The following GIGYF2 variants were observed in gnomAD, a reference collection of about 807,000 sequenced individuals.
GIGYF2 encodes GRB10-interacting GYF protein 2.
Under a neutral mutation model 208.1 loss-of-function variants are expected in GIGYF2, and 25 were observed. The ratio of observed to expected loss-of-function variants is 0.12; its 90% CI spans 0.09 to 0.17. GIGYF2 has a LOEUF of 0.17. GIGYF2 is among the 10% of genes least tolerant of loss of function. The pLI is 1.00. For missense variants in GIGYF2, 1,302 were observed against 1,579.4 expected (o/e 0.82, Z 2.98); for synonymous variants, 534 against 543.8 (o/e 0.98, Z 0.25).
intron 22 of GIGYF2, among the ~76,000 whole-genome samples, chr2:232,835,900 T>A (rs1038876552): frequency 6.6e-6 from 1 of 151,156 alleles, no homozygotes; most frequent in Non-Finnish European, 1.5e-5. Flanking sequence ...TGGTGGTGCG[T>A]GTGGCTGCAG....
At chr2:232,791,582 T>C (rs1342593393) in intron 12 of GIGYF2, 136 bp downstream of exon 12, 6 of 791,066 alleles carry the variant, frequency 7.6e-6, no homozygotes, top group Non-Finnish European at 1.3e-5. Flanking sequence ...ATTTTACCAG[T>C]AAACCCAGTC....
At chr2:232,818,449 G>A (rs1700979200) in intron 20 of GIGYF2, among the ~76,000 whole-genome samples, 1 of 152,124 alleles carries the variant, frequency 6.6e-6, no homozygotes, top group Non-Finnish European at 1.5e-5. Flanking sequence ...AATGATTTTT[G>A]TATGTGGTGT....
chr2:232,818,703 GTGTTTTA>G (rs1700986893), intron 20 of GIGYF2, among the ~76,000 whole-genome samples: 1 of 151,688 alleles, frequency 6.6e-6, no homozygotes. Flanking sequence ...ATTTGTACTT[GTGTTTTA>G]TAGCCCTCCT....
At chr2:232,800,339 A>G (rs560604708) in intron 14 of GIGYF2, among the ~76,000 whole-genome samples, 1 of 152,248 alleles carries the variant, frequency 6.6e-6, no homozygotes, top group East Asian at 1.9e-4. Context: ...ATTCTTTTGC[A>G]TGTGGATATC....
chr2:232,780,200 T>C (rs1699665565), intron 8 of GIGYF2, among the ~76,000 whole-genome samples: 1 of 152,204 alleles, frequency 6.6e-6, no homozygotes, highest in Non-Finnish European at 1.5e-5. Flanking sequence ...ACAGGTGCCC[T>C]TTTACTGCTC....
At chr2:232,776,075 G>T (rs1699499419) in intron 8 of GIGYF2, among the ~76,000 whole-genome samples, 1 of 145,462 alleles carries the variant, frequency 6.9e-6, no homozygotes, top group Non-Finnish European at 1.6e-5. Context: ...TATTCTTTTG[G>T]CATTTGTTTT....
chr2:232,728,876 A>T (rs756799068), intron 2 of GIGYF2, among the ~76,000 whole-genome samples: 8 of 152,268 alleles, frequency 5.3e-5, no homozygotes, highest in Middle Eastern at 3.4e-3. Flanking sequence ...GATGGAGCAG[A>T]GTGTCCAGAG....
intron 3 of GIGYF2, among the ~76,000 whole-genome samples, chr2:232,738,115 C>T (rs1697817296): frequency 6.6e-6 from 1 of 151,888 alleles, no homozygotes; most frequent in Non-Finnish European, 1.5e-5. Context: ...CGGGGTTTCA[C>T]CATGTTGGCC....
intron 8 of GIGYF2, among the ~76,000 whole-genome samples, chr2:232,763,855 A>C (rs544282832): frequency 6.6e-6 from 1 of 151,916 alleles, no homozygotes; most frequent in Non-Finnish European, 1.5e-5. Context: ...AAGTTATGTG[A>C]ATGTGGTCTC....
chr2:232,790,635 ATTTTCT>A, intron 9 of GIGYF2, 57 bp from the exon 10 acceptor site: 1 of 1,330,254 alleles, frequency 7.5e-7, no homozygotes, highest in Non-Finnish European at 1.1e-6. Flanking sequence ...TCTATTCCTG[ATTTTCT>A]TATTCAAATA....
At chr2:232,754,808 T>G (rs1043044543) in intron 5 of GIGYF2, among the ~76,000 whole-genome samples, 6 of 152,122 alleles carry the variant, frequency 3.9e-5, no homozygotes, top group Admixed American at 2.0e-4. Context: ...GTTTGGTGTC[T>G]TTTATTTTTA....
At chr2:232,712,501 G>A (rs139060679) in intron 2 of GIGYF2, among the ~76,000 whole-genome samples, 5 of 152,302 alleles carry the variant, frequency 3.3e-5, no homozygotes, top group South Asian at 2.1e-4. Flanking sequence ...GAAGAATATA[G>A]TGACTGCTGG....
At position 232,735,205 on chromosome 2, in the gene GIGYF2, C is replaced by T. The variant is rs372036514; in HGVS notation, c.8C>T (p.Ala3Val). The stretch of plus-strand genomic sequence containing the variant: ...GTAAAAATACGGAAAAGAATGGCAG[C>T]GGAAACGCAGACACTGAACTTTGGG... The part of the protein sequence containing the change: MA[A>V]ETQTLNFGPE... Residue 3 changes from alanine to valine, a missense_variant, in exon 3 of 29, where the codon GCG becomes GTG. Physicochemically the swap from Ala to Val is moderately conservative, Grantham distance 64. This residue lies in a region of GIGYF2 where 27 missense variants were observed against 59.5 expected (regional missense o/e 0.45). Coordinates refer to ENST00000373563, the MANE Select transcript of GIGYF2 (RefSeq NM_001103146.3). 29 of 1,606,604 alleles carry T rather than the reference C, an allele frequency of 1.8e-5. No homozygotes were observed. In the African/African-American group the frequency reaches 2.3e-4, roughly 13 times the overall value.
At chr2:232,836,165 G>A (rs891693344) in intron 22 of GIGYF2, among the ~76,000 whole-genome samples, 3 of 148,130 alleles carry the variant, frequency 2.0e-5, no homozygotes, top group Non-Finnish European at 4.5e-5. Context: ...AGTGGCTCAC[G>A]CCTATAATCC....
At chr2:232,836,295 T>TC (rs1559160399) in intron 22 of GIGYF2, among the ~76,000 whole-genome samples, 1 of 31,936 alleles carries the variant, frequency 3.1e-5, no homozygotes, top group Non-Finnish European at 5.5e-5. Flanking sequence ...TATATATATA[T>TC]ATATATATAT....
chr2:232,791,485 C>T (rs1411871808), intron 12 of GIGYF2, 39 bp downstream of exon 12: 2 of 1,549,284 alleles, frequency 1.3e-6, no homozygotes, highest in South Asian at 1.1e-5. Context: ...AAATAGGATT[C>T]TGCTGAGGCC....
At chr2:232,753,029 C>T (rs1698392277) in intron 5 of GIGYF2, among the ~76,000 whole-genome samples, 1 of 152,068 alleles carries the variant, frequency 6.6e-6, no homozygotes, top group South Asian at 2.1e-4. Context: ...TGTATATTCC[C>T]TTAAACACTA....
chr2:232,700,692 C>T (rs1008102524), intron 1 of GIGYF2: 2 of 152,144 alleles, frequency 1.3e-5, no homozygotes, highest in Non-Finnish European at 2.9e-5. Flanking sequence ...TTTAAATTAC[C>T]ATGGCATATT....
intron 21 of GIGYF2, 95 bp from the exon 22 acceptor site, chr2:232,832,762 C>T (rs1308466581): frequency 5.8e-6 from 5 of 869,106 alleles, no homozygotes; most frequent in African/African-American, 3.4e-5. Context: ...TCTGTCATCT[C>T]TATAGCCATT....
Sources: allele counts gnomAD v4.1 joint callset (sites outside exome capture counted in the v4.1 genomes callset), GRCh38; gene constraint gnomAD v4.1.1; regional missense constraint gnomAD v4.1.1; transcripts MANE v1.5; gene names NCBI Gene and HGNC (gene_info 2026-07-23, HGNC 2026-07-21).